Variants in LRFN2 observed in about 807,000 individuals in gnomAD.
The protein encoded by LRFN2 is leucine rich repeat and fibronectin type III domain containing 2.
LRFN2 carries 18 observed loss-of-function variants against 37.3 expected under a neutral mutation model. That is an observed-to-expected ratio of 0.48 (90% confidence interval 0.33 to 0.72). The LOEUF (loss-of-function observed/expected upper bound fraction) is 0.72. Ranked by LOEUF, LRFN2 falls within the 30% of genes least tolerant of loss-of-function variation. The pLI is 0.02. For synonymous variants in LRFN2, 556 were observed against 466.6 expected, an observed-to-expected ratio of 1.19 and a Z score of -2.47; for missense variants, 1,006 against 1,060.7, an observed-to-expected ratio of 0.95 and a Z score of 0.72.
intron 1 of LRFN2, among the ~76,000 whole-genome samples, chr6:40,444,445 T>A (rs1463138333): frequency 1.3e-5 from 2 of 152,212 alleles, no homozygotes. Context: ...AAGCCGCTGT[T>A]GCCACCAGGA....
chr6:40,516,167 G>A (rs1230144044), intron 1 of LRFN2, among the ~76,000 whole-genome samples: 1 of 152,022 alleles, frequency 6.6e-6, no homozygotes, highest in Non-Finnish European at 1.5e-5. Flanking sequence ...CTGCTTCTAG[G>A]GGAACCCAGA....
chr6:40,545,521 T>G (rs1010051999), intron 1 of LRFN2, among the ~76,000 whole-genome samples: 12 of 152,146 alleles, frequency 7.9e-5, no homozygotes, highest in Admixed American at 1.3e-4. Context: ...CTGGAGCATG[T>G]TAAGTGGGTT....
chr6:40,433,553 C>A (rs546123748), intron 1 of LRFN2, among the ~76,000 whole-genome samples: 1 of 152,078 alleles, frequency 6.6e-6, no homozygotes, highest in African/African-American at 2.4e-5. Context: ...TGGATGAATG[C>A]GATACCATAT....
At chr6:40,415,371 A>G (rs1763073503) in intron 2 of LRFN2, among the ~76,000 whole-genome samples, 1 of 152,070 alleles carries the variant, frequency 6.6e-6, no homozygotes, top group African/African-American at 2.4e-5. Flanking sequence ...AATTACAGGC[A>G]CGTGCCACCA....
At chr6:40,583,323 C>T (rs951879778) in intron 1 of LRFN2, among the ~76,000 whole-genome samples, 1 of 152,014 alleles carries the variant, frequency 6.6e-6, no homozygotes, top group African/African-American at 2.4e-5. Context: ...AAAAATGCTG[C>T]CCATGTGCCC....
Position 40,400,984 on chromosome 6 carries a change from C to T in LRFN2, c.1401-8072G>A, listed in dbSNP as rs975678277. Among the ~76,000 whole-genome samples the T allele has an allele frequency of 1.3e-5, 2 of 151,628 alleles. 1 individual carries two copies. The highest frequency in any genetic ancestry group is 2.9e-5 in the Non-Finnish European group (2 of 67,864). On this transcript the variant is annotated intron_variant, in intron 2 of 2. Coordinates refer to ENST00000338305, the MANE Select transcript of LRFN2 (RefSeq NM_020737.3). ...AGTCATTGTTCTGCCCCTCTTTCAA[C>T]CAACCCCCTAACCCCACCTCCCCCA...
intron 1 of LRFN2, among the ~76,000 whole-genome samples, chr6:40,479,597 C>T (rs1295096402): frequency 1.3e-5 from 2 of 152,218 alleles, no homozygotes; most frequent in African/African-American, 2.4e-5. Flanking sequence ...GGTCCCCTTT[C>T]CTGGGAGAAG....
At chr6:40,489,388 T>G (rs1012105970) in intron 1 of LRFN2, among the ~76,000 whole-genome samples, 3 of 152,208 alleles carry the variant, frequency 2.0e-5, no homozygotes, top group African/African-American at 7.2e-5. Context: ...AGTGGGGCAG[T>G]GCCCATCTGA....
chr6:40,538,674 C>A (rs1350680458), intron 1 of LRFN2, among the ~76,000 whole-genome samples: 2 of 152,242 alleles, frequency 1.3e-5, no homozygotes, highest in Non-Finnish European at 2.9e-5. Context: ...CCATTCCCAG[C>A]TTCTCCTCCT....
At chr6:40,566,906 C>T (rs1187522117) in intron 1 of LRFN2, among the ~76,000 whole-genome samples, 1 of 151,878 alleles carries the variant, frequency 6.6e-6, no homozygotes, top group East Asian at 1.9e-4. Flanking sequence ...TAAAAGAAAT[C>T]CCTAACATTT....
At chr6:40,454,604 C>T (rs183451367) in intron 1 of LRFN2, among the ~76,000 whole-genome samples, 158 of 152,264 alleles carry the variant, frequency 1.0e-3, no homozygotes, top group African/African-American at 3.6e-3. Flanking sequence ...TTTTTCTCCC[C>T]TACCTAGGCC....
At chr6:40,563,281 C>T (rs1767033126) in intron 1 of LRFN2, among the ~76,000 whole-genome samples, 1 of 152,142 alleles carries the variant, frequency 6.6e-6, no homozygotes, top group Non-Finnish European at 1.5e-5. Context: ...TTCTCTCTCT[C>T]CTGCCTAGAC....
intron 1 of LRFN2, among the ~76,000 whole-genome samples, chr6:40,442,218 T>G (rs926629016): frequency 1.4e-4 from 21 of 152,028 alleles, no homozygotes; most frequent in Non-Finnish European, 2.5e-4. Flanking sequence ...AGCAGTGGGG[T>G]GAATAACGCA....
chr6:40,451,137 A>G (rs1013875056), intron 1 of LRFN2, among the ~76,000 whole-genome samples: 1 of 152,164 alleles, frequency 6.6e-6, no homozygotes, highest in Non-Finnish European at 1.5e-5. Flanking sequence ...TCCTTAATCC[A>G]TGGGGGGATT....
At chr6:40,473,294 C>T (rs1433305445) in intron 1 of LRFN2, among the ~76,000 whole-genome samples, 1 of 152,186 alleles carries the variant, frequency 6.6e-6, no homozygotes, top group Non-Finnish European at 1.5e-5. Context: ...TGTCATGTCT[C>T]CAGGAAGCTC....
At chr6:40,568,315 C>A (rs933557996) in intron 1 of LRFN2, among the ~76,000 whole-genome samples, 2 of 152,148 alleles carry the variant, frequency 1.3e-5, no homozygotes, top group African/African-American at 4.8e-5. Flanking sequence ...ATCTGTGGGC[C>A]TGGGGAACTG....
At chr6:40,422,351 A>T (rs895094416) in intron 2 of LRFN2, among the ~76,000 whole-genome samples, 4 of 152,290 alleles carry the variant, frequency 2.6e-5, no homozygotes, top group Admixed American at 2.6e-4. Flanking sequence ...CCCTGATTTC[A>T]CTGGGCATGA....
intron 1 of LRFN2, among the ~76,000 whole-genome samples, chr6:40,540,489 C>T (rs975529482): frequency 2.0e-5 from 3 of 152,112 alleles, no homozygotes; most frequent in African/African-American, 7.2e-5. Flanking sequence ...GGAGCACTGT[C>T]CCACTCCACA....
intron 2 of LRFN2, among the ~76,000 whole-genome samples, chr6:40,399,804 G>A (rs1474656826): frequency 2.0e-5 from 3 of 151,812 alleles, no homozygotes; most frequent in Admixed American, 6.6e-5. Flanking sequence ...ATGACACAAG[G>A]AGATAACCCT....
Sources: gnomAD v4.1 joint callset for allele counts (sites outside exome capture counted in the v4.1 genomes callset) on GRCh38, gnomAD v4.1.1 for gene constraint, MANE v1.5 for transcripts, NCBI Gene and HGNC (gene_info 2026-07-23, HGNC 2026-07-21) for gene names.